Variants in CACNA2D1 observed in about 807,000 individuals in gnomAD.
CACNA2D1 encodes calcium voltage-gated channel auxiliary subunit alpha2delta 1.
A neutral mutation model predicts 171.5 loss-of-function variants in CACNA2D1; 53 were observed. The observed-to-expected ratio is 0.31, with a 90% CI of 0.25 to 0.39. The LOEUF (loss-of-function observed/expected upper bound fraction) is 0.39, where lower values mean the gene tolerates loss of function less well. Ranked by LOEUF, CACNA2D1 falls within the 10% of genes least tolerant of loss-of-function variation. The probability of loss-of-function intolerance (pLI) is 1.00; values close to 1 mark genes in which losing one functional copy is unlikely to be tolerated. For missense variants in CACNA2D1, 903 were observed against 1,299.8 expected (o/e 0.69, Z 4.69); for synonymous variants, 442 against 443.1 (o/e 1.00, Z 0.03).
chr7:82,026,708 G>T (rs1801966578), intron 12 of CACNA2D1, among the ~76,000 whole-genome samples: 1 of 151,702 alleles, frequency 6.6e-6, no homozygotes, highest in Non-Finnish European at 1.5e-5. Context: ...AGGCAATAAA[G>T]TTAGAACATG....
intron 18 of CACNA2D1, chr7:82,001,629 A>T: frequency 1.1e-6 from 1 of 921,328 alleles, no homozygotes; most frequent in Non-Finnish European, 1.5e-6. Context: ...ATTTGAAAGC[A>T]CTGTTAAGGC....
intron 3 of CACNA2D1, among the ~76,000 whole-genome samples, chr7:82,285,217 C>G (rs1031551745): frequency 6.6e-6 from 1 of 152,118 alleles, no homozygotes; most frequent in African/African-American, 2.4e-5. Flanking sequence ...TGGCTTCATG[C>G]TGTGAGAGAC....
At chr7:81,997,033 T>C (rs1798113307) in intron 19 of CACNA2D1, 146 bp downstream of exon 19, 1 of 655,560 alleles carries the variant, frequency 1.5e-6, no homozygotes, top group South Asian at 1.8e-5. Context: ...ATCTAGAAAA[T>C]TTTAATGACA....
intron 1 of CACNA2D1, among the ~76,000 whole-genome samples, chr7:82,401,715 A>G (rs1216050662): frequency 3.9e-5 from 4 of 103,848 alleles, no homozygotes; most frequent in African/African-American, 1.1e-4. Context: ...ATAATAAAAG[A>G]AAAAAAAAGA....
At chr7:82,289,727 A>G (rs1042358367) in intron 3 of CACNA2D1, among the ~76,000 whole-genome samples, 1 of 152,212 alleles carries the variant, frequency 6.6e-6, no homozygotes, top group Non-Finnish European at 1.5e-5. Flanking sequence ...AAACTCTAAT[A>G]TTTACGGCCT....
chr7:82,411,731 G>C (rs1020388921), intron 1 of CACNA2D1, among the ~76,000 whole-genome samples: 5 of 152,022 alleles, frequency 3.3e-5, no homozygotes, highest in African/African-American at 1.2e-4. Flanking sequence ...TTTTTCCTGA[G>C]TAGCAGTCTT....
chr7:82,159,435 A>G (rs763378990), intron 4 of CACNA2D1, among the ~76,000 whole-genome samples: 7 of 151,806 alleles, frequency 4.6e-5, no homozygotes, highest in Non-Finnish European at 7.4e-5. Context: ...TCTTCCCTAT[A>G]TTCCATCAAA....
chr7:82,001,703 C>T (rs1200161704), intron 18 of CACNA2D1: 1 of 1,249,842 alleles, frequency 8.0e-7, no homozygotes, highest in Non-Finnish European at 1.1e-6. Context: ...GTTGGTATAC[C>T]TACACCAATA....
At chr7:81,981,519 G>A (rs1240403677) in intron 24 of CACNA2D1, among the ~76,000 whole-genome samples, 3 of 152,106 alleles carry the variant, frequency 2.0e-5, no homozygotes, top group African/African-American at 4.8e-5. Context: ...AAGAATTAAA[G>A]GGTAACTCAG....
In CACNA2D1 at chr7:82,443,748, C is replaced by A; in HGVS notation, c.-289G>T. On this transcript the variant is annotated 5_prime_UTR_variant, in exon 1 of 39. Coordinates refer to ENST00000356860, the MANE Select transcript of CACNA2D1 (RefSeq NM_000722.4). ...GGGCGACTTTGGAAACAGACCTCGG[C>A]GAGCCCGCCGGCGCTCGCGCGCTCT... is the stretch of plus-strand genomic sequence containing the variant. The A allele has an allele frequency of 8.4e-7, 1 of 1,197,208 alleles. No homozygotes were observed. The highest frequency in any genetic ancestry group is 1.0e-6 in the Non-Finnish European group (1 of 956,916). 74.2% of individuals were successfully genotyped at this position (1,197,208 alleles called of 1,614,324 possible).
Position 82,060,187 on chromosome 7 carries a change from A to AT in CACNA2D1, c.879+240dup, listed in dbSNP as rs1562981556. On this transcript the variant is annotated intron_variant, in intron 10 of 38. Transcript: ENST00000356860. ...TATAATATATATATATAATATATAT[A>AT]TATTATATATATATTATATATATAA... 2.8e-3 allele frequency among the ~76,000 whole-genome samples: 37 copies of AT among 13,098 alleles called. 1 individual carries two copies. The highest frequency in any genetic ancestry group is 0.01 in the Admixed American group (5 of 492). 8.6% of individuals were successfully genotyped at this position (13,098 alleles called of 152,430 possible). A position where few individuals can be genotyped will look rare whatever the true frequency, so the allele number is the denominator to read the frequency against.
At position 82,181,041 on chromosome 7, in the gene CACNA2D1, A is replaced by ATTTTTTTTTTTTT. The variant is rs71093367; in HGVS notation, c.295-10445_295-10433dup. ...GGTCAGCAGCTGTGGGGCATGTCGG[A>ATTTTTTTTTTTTT]TTTTTTTTTTTTTTTTTTTTTTTTT... is the stretch of plus-strand genomic sequence containing the variant. On this transcript the variant is annotated intron_variant, in intron 3 of 38. Coordinates refer to ENST00000356860, the MANE Select transcript of CACNA2D1 (RefSeq NM_000722.4). 3.1e-3 allele frequency among the ~76,000 whole-genome samples: 43 copies of ATTTTTTTTTTTTT among 13,960 alleles called. 15 individuals are homozygous for ATTTTTTTTTTTTT. The highest frequency in any genetic ancestry group is 4.5e-3 in the Non-Finnish European group (30 of 6,626). The allele number at this position is 13,960 out of a possible 152,430, so 9.2% of individuals were successfully genotyped here.
intron 4 of CACNA2D1, among the ~76,000 whole-genome samples, chr7:82,138,667 T>TG (rs1006075529): frequency 3.9e-5 from 6 of 152,052 alleles, no homozygotes; most frequent in African/African-American, 1.4e-4. Context: ...AGGATGGTCT[T>TG]GATCTCCTGA....
chr7:82,089,899 C>T (rs1810932351), intron 6 of CACNA2D1, among the ~76,000 whole-genome samples: 1 of 152,044 alleles, frequency 6.6e-6, no homozygotes, highest in Non-Finnish European at 1.5e-5. Context: ...ATTCAGGGTC[C>T]AAGGCCTCAC....
At chr7:82,069,258 C>T (rs74741199) in intron 7 of CACNA2D1, among the ~76,000 whole-genome samples, 5,376 of 152,148 alleles carry the variant, frequency 0.035, 331 homozygotes, top group African/African-American at 0.12. Flanking sequence ...GTTTCATAAC[C>T]ATGCACAGTG....
In CACNA2D1 at chr7:81,950,398, C is replaced by T. The variant is rs1323924657; in HGVS notation, c.3270G>A (p.Leu1090=). 3 of 1,613,132 alleles carry T rather than the reference C, an allele frequency of 1.9e-6. No homozygotes were observed. In the Admixed American group the frequency reaches 5.0e-5, roughly 27 times the overall value. ...LWLVSGSTHR[L]L Reference sequence around the variant, plus strand: ...AGATTTGGTTTTTAGAAGGTCATAACAGGCGGTGTGTGCTGCCAGATACCA... The same window carrying T: ...AGATTTGGTTTTTAGAAGGTCATAATAGGCGGTGTGTGCTGCCAGATACCA... Residue 1090 remains leucine, a synonymous_variant, in exon 39 of 39, where the codon CTG becomes CTA. Transcript: ENST00000356860.
chr7:82,109,856 A>C (rs1788171649), intron 6 of CACNA2D1, among the ~76,000 whole-genome samples: 1 of 152,178 alleles, frequency 6.6e-6, no homozygotes, highest in African/African-American at 2.4e-5. Context: ...TTGATTGTAA[A>C]GAAGTTGAAT....
At chr7:82,143,965 C>G (rs1289874616) in intron 4 of CACNA2D1, among the ~76,000 whole-genome samples, 1 of 152,154 alleles carries the variant, frequency 6.6e-6, no homozygotes, top group African/African-American at 2.4e-5. Flanking sequence ...TTCACCCAAT[C>G]TAATCATGTG....
chr7:82,349,031 A>G (rs1262224752), intron 2 of CACNA2D1, among the ~76,000 whole-genome samples: 1 of 152,194 alleles, frequency 6.6e-6, no homozygotes, highest in African/African-American at 2.4e-5. Context: ...TTCATAAGTC[A>G]CAAGAAAAAT....
Sources: gnomAD v4.1 joint callset for allele counts (sites outside exome capture counted in the v4.1 genomes callset) on GRCh38, gnomAD v4.1.1 for gene constraint, MANE v1.5 for transcripts, NCBI Gene and HGNC (gene_info 2026-07-23, HGNC 2026-07-21) for gene names.